Variants in WDFY4 observed in about 807,000 individuals in gnomAD.
WDFY4 encodes WD repeat- and FYVE domain-containing protein 4.
A neutral mutation model predicts 351.9 loss-of-function variants in WDFY4; 169 were observed. That is an observed-to-expected ratio of 0.48 (90% CI 0.42 to 0.55). The LOEUF is 0.55. WDFY4 is among the 20% of genes least tolerant of loss of function. WDFY4 has a pLI of 0.00. For synonymous variants in WDFY4, 1,622 were observed against 1,574.6 expected (o/e 1.03, Z -0.71); for missense variants, 3,803 against 3,935.6 (o/e 0.97, Z 0.90).
Position 48,960,512 on chromosome 10 carries a change from A to AT in WDFY4, c.8223+706dup, listed in dbSNP as rs926839192. ...AACCACTTTGTACAAAAGCTTGGTA[A>AT]TTTTTTTAAAAATTTGCAGGTGCAT... On this transcript the variant is annotated intron_variant, in intron 53 of 61. Transcript: ENST00000325239. 5.3e-4 allele frequency among the ~76,000 whole-genome samples: 81 copies of AT among 152,320 alleles called. 1 individual carries two copies. The highest frequency in any genetic ancestry group is 1.8e-4 in the Non-Finnish European group (12 of 68,028).
In WDFY4 at chr10:48,743,037, C is replaced by A; in HGVS notation, c.1948C>A (p.Leu650Met). Residue 650 changes from leucine to methionine, a missense_variant, in exon 12 of 62, where the codon CTG (leucine) becomes ATG (methionine). By Grantham distance (15) the Leu-to-Met change is conservative. Coordinates refer to ENST00000325239, the MANE Select transcript of WDFY4 (RefSeq NM_001394531.1). ...CAGAGTCTCCAGCGGGTTCAACGGG[C>A]TGCTGTCTCTGCTCTCTGACCTGGA... is the stretch of plus-strand genomic sequence containing the variant. ...AFRVSSGFNG[L>M]LSLLSDLEGS... The A allele has an allele frequency of 1.3e-6, 2 of 1,551,612 alleles. No individual in the cohort carries two copies. The highest frequency in any genetic ancestry group is 1.7e-6 in the Non-Finnish European group (2 of 1,146,984).
intron 43 of WDFY4, chr10:48,884,286 G>C (rs1352767344): frequency 6.6e-6 from 1 of 152,126 alleles, no homozygotes; most frequent in Non-Finnish European, 1.5e-5. Flanking sequence ...AGGTGAGGGT[G>C]GGTGTTAACC....
chr10:48,895,626 A>G (rs1399217190), intron 44 of WDFY4, among the ~76,000 whole-genome samples: 1 of 152,222 alleles, frequency 6.6e-6, no homozygotes, highest in Admixed American at 6.5e-5. Flanking sequence ...TTTATTTCTG[A>G]AGCTCCCATG....
At chr10:48,714,257 G>A (rs995853466) in intron 2 of WDFY4, among the ~76,000 whole-genome samples, 1 of 152,180 alleles carries the variant, frequency 6.6e-6, no homozygotes, top group Non-Finnish European at 1.5e-5. Flanking sequence ...AAGCAGGTCT[G>A]GTTTGTCTTT....
At chr10:48,854,944 G>A (rs1275863901) in intron 39 of WDFY4, among the ~76,000 whole-genome samples, 2 of 152,114 alleles carry the variant, frequency 1.3e-5, no homozygotes, top group East Asian at 3.8e-4. Context: ...CTTAGATGTA[G>A]AATTAGTCAA....
At chr10:48,928,364 G>GTGTA (rs1156409421) in intron 47 of WDFY4, among the ~76,000 whole-genome samples, 3 of 142,176 alleles carry the variant, frequency 2.1e-5, no homozygotes. Flanking sequence ...GTGTGTGTGT[G>GTGTA]TGTGTGTGTG....
intron 1 of WDFY4, among the ~76,000 whole-genome samples, chr10:48,696,330 T>C (rs1373711737): frequency 3.3e-5 from 5 of 152,074 alleles, no homozygotes; most frequent in Admixed American, 3.3e-4. Context: ...ACCTCCTGAG[T>C]GGCCCACTCC....
chr10:48,975,199 G>A (rs191466421), intron 58 of WDFY4, 158 bp downstream of exon 58: 19 of 942,438 alleles, frequency 2.0e-5, no homozygotes, highest in Non-Finnish European at 1.3e-5. Context: ...CTCACTTGTA[G>A]CACCCAGGTC....
At chr10:48,900,565 A>C (rs1456991736) in intron 46 of WDFY4, among the ~76,000 whole-genome samples, 2 of 152,240 alleles carry the variant, frequency 1.3e-5, no homozygotes, top group East Asian at 3.8e-4. Flanking sequence ...TAGAACAGGA[A>C]GTGAGAAAAA....
chr10:48,876,024 G>T (rs2133298179), intron 42 of WDFY4, among the ~76,000 whole-genome samples: 1 of 152,328 alleles, frequency 6.6e-6, no homozygotes, highest in African/African-American at 2.4e-5. Flanking sequence ...TCTTTTTGTG[G>T]ATGATGGCCA....
At chr10:48,839,265 A>G (rs887200588) in intron 39 of WDFY4, among the ~76,000 whole-genome samples, 14 of 152,276 alleles carry the variant, frequency 9.2e-5, no homozygotes, top group Non-Finnish European at 2.1e-4. Context: ...AACAGAAGTC[A>G]GAATTCTCAG....
chr10:48,721,410 C>T (rs917348509), intron 4 of WDFY4, 43 bp downstream of exon 4: 2 of 1,530,494 alleles, frequency 1.3e-6, no homozygotes, highest in African/African-American at 2.8e-5. Flanking sequence ...CACTGCTCAT[C>T]TAGGTGCAGA....
chr10:48,914,303 T>G, intron 47 of WDFY4: 1 of 840,308 alleles, frequency 1.2e-6, no homozygotes, highest in Non-Finnish European at 1.8e-6. Flanking sequence ...GTCATGACGC[T>G]TTGCTCTTCA....
At chr10:48,931,808 C>CT (rs1840027387) in intron 47 of WDFY4, among the ~76,000 whole-genome samples, 1 of 152,230 alleles carries the variant, frequency 6.6e-6, no homozygotes, top group South Asian at 2.1e-4. Flanking sequence ...GCACTAGACA[C>CT]TGCCTCCAAT....
chr10:48,901,906 G>A (rs1464347084), intron 47 of WDFY4, 43 bp downstream of exon 47: 2 of 1,524,028 alleles, frequency 1.3e-6, no homozygotes, highest in East Asian at 2.5e-5. Context: ...GCACTGCCCT[G>A]GCTTTGATGT....
Position 48,776,839 on chromosome 10 carries a change from C to A in WDFY4, c.2953C>A (p.Pro985Thr), listed in dbSNP as rs982717805. The A allele has an allele frequency of 1.2e-5, 18 of 1,551,608 alleles. No individual in the cohort carries two copies. In the East Asian group the frequency reaches 4.2e-4, roughly 36 times the overall value. ...CCCTGGAGTCACACAGGCCCCGCAG[C>A]CCTTGGGGGAATCCCAGGATTCAAC... Reference protein sequence around the residue: ...LHPGVTQAPQPLGESQDSTTA... With the variant: ...LHPGVTQAPQTLGESQDSTTA... The change falls in exon 16 of 62, where the codon CCC becomes ACC. Residue 985 changes from proline to threonine, a missense_variant. Pro to Thr is a conservative substitution (Grantham distance 38). This residue lies in a region of WDFY4 where 3,054 missense variants were observed against 3,148.6 expected (regional missense o/e 0.97). Transcript: ENST00000325239.
At chr10:48,789,312 T>C (rs1433549552) in intron 21 of WDFY4, among the ~76,000 whole-genome samples, 1 of 152,260 alleles carries the variant, frequency 6.6e-6, no homozygotes, top group Non-Finnish European at 1.5e-5. Context: ...TTAGCACTGA[T>C]GAAAATTTGC....
At chr10:48,834,700 A>G (rs2068320180) in intron 39 of WDFY4, among the ~76,000 whole-genome samples, 1 of 152,232 alleles carries the variant, frequency 6.6e-6, no homozygotes, top group African/African-American at 2.4e-5. Flanking sequence ...AGGTCAGGAC[A>G]GCCTGGCTGG....
At chr10:48,718,762 C>G (rs2063986666) in intron 2 of WDFY4, among the ~76,000 whole-genome samples, 6 of 152,184 alleles carry the variant, frequency 3.9e-5, no homozygotes, top group Admixed American at 3.9e-4. Context: ...CACAGTAGAA[C>G]AAAGAGAAAA....
Sources: allele counts gnomAD v4.1 joint callset (sites outside exome capture counted in the v4.1 genomes callset), GRCh38; gene constraint gnomAD v4.1.1; regional missense constraint gnomAD v4.1.1; transcripts MANE v1.5; gene names NCBI Gene and HGNC (gene_info 2026-07-23, HGNC 2026-07-21).